COMT: variants seen among roughly 807,000 people sequenced by gnomAD.
The protein encoded by COMT is catechol-O-methyltransferase.
Under a neutral mutation model 18.9 loss-of-function variants are expected in COMT, and 13 were observed. The ratio of observed to expected loss-of-function variants is 0.69; its 90% CI spans 0.45 to 1.09. The LOEUF is 1.09. COMT is among the 50% of genes least tolerant of loss of function. The pLI, the probability that COMT is intolerant of heterozygous loss-of-function variation, is 0.00. For synonymous variants in COMT, 150 were observed against 160.9 expected (o/e 0.93, Z 0.51); for missense variants, 329 against 361.8 (o/e 0.91, Z 0.73).
At chr22:19,954,845 A>C (rs752785625) in intron 1 of COMT, among the ~76,000 whole-genome samples, 11 of 152,154 alleles carry the variant, frequency 7.2e-5, no homozygotes, top group Non-Finnish European at 1.2e-4. Context: ...ACCTCTTCTC[A>C]GGTGTCACCG....
At chr22:19,942,201 G>T (rs1941746615) in intron 1 of COMT, among the ~76,000 whole-genome samples, 1 of 152,214 alleles carries the variant, frequency 6.6e-6, no homozygotes, top group South Asian at 2.1e-4. Context: ...TCAAGACTGG[G>T]TTGGGGGTCC....
chr22:19,963,005 T>C (rs1194235585), intron 3 of COMT, 190 bp downstream of exon 3: 5 of 635,640 alleles, frequency 7.9e-6, no homozygotes, highest in African/African-American at 1.8e-5. Context: ...CTGCAGGCCC[T>C]GCTGCCTGCT....
In COMT at chr22:19,963,162, G is replaced by A. The variant is rs1216592602; in HGVS notation, c.289+347G>A. 2.0e-5 allele frequency among the ~76,000 whole-genome samples: 3 copies of A among 152,192 alleles called. No homozygotes were observed. The East Asian group carries it at 5.8e-4, about 29-fold the overall frequency. ...CCTCCCGCTTGAACTTCAGCCTGGG[G>A]CACAGGATGTGTTACCGGGCTCACG... On this transcript the variant is annotated intron_variant, in intron 3 of 5. Coordinates refer to ENST00000361682, the MANE Select transcript of COMT (RefSeq NM_000754.4).
At position 19,964,189 on chromosome 22, in the gene COMT, TC is replaced by T; in HGVS notation, c.508del (p.Gln170ArgfsTer7). 6.2e-7 allele frequency: 1 copy of T among 1,614,052 alleles called. No homozygotes were observed. On this transcript the variant is annotated frameshift_variant, in exon 5 of 6. Coordinates refer to ENST00000361682, the MANE Select transcript of COMT (RefSeq NM_000754.4). LOFTEE classifies it high-confidence loss of function. ...KDKVTLVVGASQDIIPQLKKK... is the reference protein window; with the variant it reads ...KDKVTLVVGAXQDIIPQLKKK... ...CCAGGTCACCCTTGTGGTTGGAGCG[TC>T]CCAGGACATCATCCCCCAGCTGAAG... is the stretch of plus-strand genomic sequence containing the variant.
intron 4 of COMT, 131 bp downstream of exon 4, chr22:19,963,890 C>T: frequency 7.9e-7 from 1 of 1,259,560 alleles, no homozygotes; most frequent in Non-Finnish European, 1.1e-6. Context: ...CCAGGCCCCT[C>T]AGTGCTTCCC....
At chr22:19,964,673 G>T (rs1163320078) in intron 5 of COMT, 1 of 575,510 alleles carries the variant, frequency 1.7e-6, no homozygotes, top group Middle Eastern at 4.6e-4. Flanking sequence ...TCTCCCCCAA[G>T]CAAGCCACTG....
In COMT at chr22:19,968,595, T is replaced by C; in HGVS notation, c.675T>C (p.Gly225=). 1 of 1,614,060 alleles carries C rather than the reference T, an allele frequency of 6.2e-7. No individual in the cohort carries two copies. Among genetic ancestry groups the C allele is most frequent in the African/African-American group, 1.3e-5 (1 of 75,028 alleles). The change falls in exon 6 of 6, where the codon GGT becomes GGC. Residue 225 remains glycine, a synonymous_variant. Coordinates refer to ENST00000361682, the MANE Select transcript of COMT (RefSeq NM_000754.4). ...TGGCTGACAACGTGATCTGCCCAGGTGCGCCAGACTTCCTAGCACACGTGC... is the reference window on the plus strand; with the variant it reads ...TGGCTGACAACGTGATCTGCCCAGGCGCGCCAGACTTCCTAGCACACGTGC... ...VLLADNVICP[G]APDFLAHVRG...
chr22:19,953,114 G>C (rs886359610), intron 1 of COMT, among the ~76,000 whole-genome samples: 1 of 152,140 alleles, frequency 6.6e-6, no homozygotes, highest in Non-Finnish European at 1.5e-5. Flanking sequence ...TGTGATGGGG[G>C]AGTCTTTGTC....
Position 19,941,810 on chromosome 22 carries a change from G to T in COMT, c.-179G>T. On this transcript the variant is annotated 5_prime_UTR_variant, in exon 1 of 6. Transcript: ENST00000361682. The stretch of plus-strand genomic sequence containing the variant: ...CCACCGCCATTGCCGCCATCGTCGT[G>T]GGGCTTCTGGGGCAGCTAGGGCTGC... 6.5e-7 allele frequency: 1 copy of T among 1,530,230 alleles called. No individual in the cohort carries two copies. The highest frequency in any genetic ancestry group is 2.6e-5 in the East Asian group (1 of 37,840). 94.8% of individuals were successfully genotyped at this position (1,530,230 alleles called of 1,614,324 possible).
intron 5 of COMT, chr22:19,965,378 T>G (rs1942333459): frequency 6.6e-6 from 1 of 152,226 alleles, no homozygotes; most frequent in Non-Finnish European, 1.5e-5. Flanking sequence ...AGTCTTGCTC[T>G]GTCACCAGGC....
Position 19,952,675 on chromosome 22 carries a change from G to A in COMT, c.-91-8524G>A, listed in dbSNP as rs576583314. 1.0e-4 allele frequency among the ~76,000 whole-genome samples: 14 copies of A among 137,014 alleles called. 1 individual carries two copies. Among genetic ancestry groups the A allele is most frequent in the South Asian group, 9.6e-4 (4 of 4,150 alleles). 89.9% of individuals were successfully genotyped at this position (137,014 alleles called of 152,430 possible). A position where few individuals can be genotyped will look rare whatever the true frequency, so the allele number is the denominator to read the frequency against. Reference sequence around the variant, plus strand: ...AAACAACAACAAAAAAAAAACAGCCGAGCGCAGTGGCTCACGCCTGTAATC... The same window carrying A: ...AAACAACAACAAAAAAAAAACAGCCAAGCGCAGTGGCTCACGCCTGTAATC... On this transcript the variant is annotated intron_variant, in intron 1 of 5. Coordinates refer to ENST00000361682, the MANE Select transcript of COMT (RefSeq NM_000754.4).
In COMT at chr22:19,958,211, C is replaced by T. The variant is rs181300814; in HGVS notation, c.-91-2988C>T. Among the ~76,000 whole-genome samples, 15 of 145,652 alleles carry T rather than the reference C, an allele frequency of 1.0e-4. No homozygotes were observed. The East Asian group carries it at 3.0e-3, about 29-fold the overall frequency. ...ACGGGGTCTTGCTCTGTTGCCCAGG[C>T]TGGAGTGCAGTGGCAGGATCACAGC... On this transcript the variant is annotated intron_variant, in intron 1 of 5. Transcript: ENST00000361682.
intron 1 of COMT, among the ~76,000 whole-genome samples, chr22:19,954,306 C>T (rs1942014348): frequency 6.6e-6 from 1 of 152,170 alleles, no homozygotes; most frequent in Non-Finnish European, 1.5e-5. Flanking sequence ...CTGCCCTCTG[C>T]CTGGCCATCT....
intron 1 of COMT, among the ~76,000 whole-genome samples, chr22:19,948,556 A>C (rs1217470140): frequency 6.6e-6 from 1 of 152,184 alleles, no homozygotes; most frequent in Non-Finnish European, 1.5e-5. Flanking sequence ...TGTACTCTGA[A>C]GACTGAGGCG....
rs754537148 is a variant in COMT at position 19,968,692 on chromosome 22, G to A, written c.772G>A (p.Glu258Lys). The A allele has an allele frequency of 2.5e-6, 4 of 1,613,716 alleles. No individual in the cohort carries two copies. Among genetic ancestry groups the A allele is most frequent in the African/African-American group, 1.3e-5 (1 of 75,038 alleles). ...LEYREVVDGL[E>K]KAIYKGPGSE... ...ATACAGGGAGGTGGTGGACGGCCTG[G>A]AGAAGGCCATCTACAAGGGCCCAGG... is the stretch of plus-strand genomic sequence containing the variant. Residue 258 changes from glutamate to lysine, a missense_variant, in exon 6 of 6, where the codon GAG (glutamate) becomes AAG (lysine). Glu to Lys is a moderately conservative substitution (Grantham distance 56). Transcript: ENST00000361682.
chr22:19,957,859 G>T (rs999206165), intron 1 of COMT, among the ~76,000 whole-genome samples: 7 of 152,356 alleles, frequency 4.6e-5, no homozygotes, highest in African/African-American at 1.7e-4. Flanking sequence ...GATGAACCGT[G>T]AATTCATCTG....
Position 19,967,244 on chromosome 22 carries a change from G to A in COMT, c.616-1292G>A, listed in dbSNP as rs114509574. 1.2e-3 allele frequency: 1,517 copies of A among 1,297,620 alleles called. 12 individuals carry two copies. In the African/African-American group the frequency reaches 0.019, roughly 16 times the overall value. The allele number at this position is 1,297,620 out of a possible 1,614,324, so 80.4% of individuals were successfully genotyped here. On this transcript the variant is annotated intron_variant, in intron 5 of 5. Transcript: ENST00000361682. ...AGATTGGGCTCCTGAGTCCCCTGGC[G>A]CAACCCGAGAAGTCCAGGAGCCCAG...
chr22:19,969,685 C>G lies in COMT; in HGVS notation c.*949C>G, dbSNP rs1269537125. Reference sequence around the variant, plus strand: ...CTGGGCTCAAGGCCTGGCTAGCCCCCAGCCAGCCCACTCCTATGGATAGAC... The same window carrying G: ...CTGGGCTCAAGGCCTGGCTAGCCCCGAGCCAGCCCACTCCTATGGATAGAC... On this transcript the variant is annotated 3_prime_UTR_variant, in exon 6 of 6. Transcript: ENST00000361682. 3.3e-6 allele frequency: 1 copy of G among 307,320 alleles called. No individual in the cohort carries two copies. Among genetic ancestry groups the G allele is most frequent in the Non-Finnish European group, 4.8e-6 (1 of 210,112 alleles). The allele number at this position is 307,320 out of a possible 1,614,324, so 19.0% of individuals were successfully genotyped here.
At chr22:19,947,475 C>T (rs969824782) in intron 1 of COMT, among the ~76,000 whole-genome samples, 4 of 152,150 alleles carry the variant, frequency 2.6e-5, no homozygotes, top group African/African-American at 4.8e-5. Context: ...GGAGTGTGAG[C>T]TATCTCCAGT....
Sources: allele counts gnomAD v4.1 joint callset (sites outside exome capture counted in the v4.1 genomes callset), GRCh38; gene constraint gnomAD v4.1.1; transcripts MANE v1.5; gene names NCBI Gene and HGNC (gene_info 2026-07-23, HGNC 2026-07-21).